TMEM242: variants seen among roughly 807,000 people sequenced by gnomAD.
TMEM242 encodes the protein transmembrane protein 242.
Under a neutral mutation model 18.2 loss-of-function variants are expected in TMEM242, and 10 were observed. The observed-to-expected ratio is 0.55, with a 90% CI of 0.34 to 0.93. The LOEUF (loss-of-function observed/expected upper bound fraction) is 0.93. Ranked by LOEUF, TMEM242 falls within the 40% of genes least tolerant of loss-of-function variation. The pLI, the probability that TMEM242 is intolerant of heterozygous loss-of-function variation, is 0.02. For missense variants in TMEM242, 186 were observed against 175.5 expected (o/e 1.06, Z -0.34); for synonymous variants, 57 against 69.9 (o/e 0.81, Z 0.92).
intron 3 of TMEM242, among the ~76,000 whole-genome samples, chr6:157,311,314 G>A (rs1778072901): frequency 8.4e-6 from 1 of 118,760 alleles, no homozygotes; most frequent in African/African-American, 3.2e-5. Context: ...GTGTCCCAGT[G>A]TGTGTTCACC....
chr6:157,314,326 C>G (rs940351685), intron 3 of TMEM242, among the ~76,000 whole-genome samples: 2 of 152,180 alleles, frequency 1.3e-5, no homozygotes, highest in Non-Finnish European at 2.9e-5. Context: ...CATAGTGTCC[C>G]AGTGTGCACT....
intron 3 of TMEM242, among the ~76,000 whole-genome samples, chr6:157,311,453 CAA>C (rs1778091128): frequency 1.6e-5 from 2 of 124,306 alleles, no homozygotes; most frequent in African/African-American, 3.0e-5. Context: ...TCCCAGTGTG[CAA>C]TCACCTGGCC....
chr6:157,315,729 T>A (rs1334254781), intron 3 of TMEM242, among the ~76,000 whole-genome samples: 2 of 152,202 alleles, frequency 1.3e-5, no homozygotes, highest in Non-Finnish European at 2.9e-5. Flanking sequence ...TAGGCAGCAA[T>A]CCTTGTATCA....
At chr6:157,312,513 CTCA>C (rs1245330125) in intron 3 of TMEM242, among the ~76,000 whole-genome samples, 1 of 145,180 alleles carries the variant, frequency 6.9e-6, no homozygotes, top group East Asian at 2.1e-4. Context: ...CTCACCGAGC[CTCA>C]TCATACCGCC....
At chr6:157,310,445 C>A (rs1554248282) in intron 3 of TMEM242, among the ~76,000 whole-genome samples, 1 of 117,510 alleles carries the variant, frequency 8.5e-6, no homozygotes, top group Non-Finnish European at 1.9e-5. Context: ...CCAGTGTGCA[C>A]TCACCTAGCC....
intron 3 of TMEM242, among the ~76,000 whole-genome samples, chr6:157,309,565 T>C (rs1478999004): frequency 6.6e-6 from 1 of 152,018 alleles, no homozygotes; most frequent in East Asian, 1.9e-4. Flanking sequence ...ATTTTTAAAA[T>C]TTTTTTGTAA....
intron 3 of TMEM242, among the ~76,000 whole-genome samples, chr6:157,298,230 C>T (rs782535508): frequency 5.9e-5 from 9 of 152,154 alleles, no homozygotes; most frequent in East Asian, 5.8e-4. Context: ...TGATTTAATG[C>T]GCTAACAGGT....
intron 3 of TMEM242, among the ~76,000 whole-genome samples, chr6:157,309,979 C>A (rs1402158747): frequency 6.6e-6 from 1 of 152,114 alleles, no homozygotes; most frequent in African/African-American, 2.4e-5. Context: ...AGATAACCAC[C>A]TCCCCACAAA....
intron 3 of TMEM242, among the ~76,000 whole-genome samples, chr6:157,311,231 T>A (rs1554248672): frequency 9.0e-6 from 1 of 111,196 alleles, no homozygotes; most frequent in South Asian, 2.4e-4. Context: ...CCTAGCCTCA[T>A]CATAGTGTCC....
intron 3 of TMEM242, among the ~76,000 whole-genome samples, chr6:157,312,357 G>GTGCCCCAGTGTGCGCTCACCTAGCCTCA (rs1778175527): frequency 7.5e-4 from 29 of 38,728 alleles, no homozygotes; most frequent in Admixed American, 1.3e-3. Context: ...GCCTCATCAT[G>GTGCCCCAGTGTGCGCTCACCTAGCCTCA]TCCCAGTGTG....
intron 3 of TMEM242, among the ~76,000 whole-genome samples, chr6:157,312,233 T>C (rs1393279601): frequency 6.6e-6 from 1 of 150,668 alleles, no homozygotes; most frequent in African/African-American, 2.5e-5. Context: ...TGCCCCAGTG[T>C]ACACTCATCT....
At chr6:157,321,788 C>T (rs1285178077) in intron 2 of TMEM242, among the ~76,000 whole-genome samples, 2 of 84,238 alleles carry the variant, frequency 2.4e-5, no homozygotes, top group Admixed American at 1.2e-4. Flanking sequence ...ATTAACATAA[C>T]TTAGGCTTAG....
intron 1 of TMEM242, 71 bp downstream of exon 1, chr6:157,323,341 C>T (rs1468189125): frequency 1.3e-6 from 2 of 1,527,860 alleles, no homozygotes; most frequent in Non-Finnish European, 1.8e-6. Context: ...GTGGGAATGC[C>T]CGCTCCAGAG....
In TMEM242 at chr6:157,290,906, C is replaced by T. The variant is rs587601101; in HGVS notation, c.*1995G>A. On this transcript the variant is annotated 3_prime_UTR_variant, in exon 4 of 4. Coordinates refer to ENST00000400788, the MANE Select transcript of TMEM242 (RefSeq NM_018452.6). Reference sequence around the variant, plus strand: ...GTGACATATAAGGGTTTTGTAGACACGAGGCATGCCACTCTAGTATTAGGA... The same window carrying T: ...GTGACATATAAGGGTTTTGTAGACATGAGGCATGCCACTCTAGTATTAGGA... 3 of 152,298 alleles carry T rather than the reference C, an allele frequency of 2.0e-5. No homozygotes were observed. Among genetic ancestry groups the T allele is most frequent in the East Asian group, 3.9e-4 (2 of 5,176 alleles). The allele number at this position is 152,298 out of a possible 1,614,324, so 9.4% of individuals were successfully genotyped here.
At chr6:157,318,719 A>C in intron 3 of TMEM242, 63 bp downstream of exon 3, 1 of 1,595,120 alleles carries the variant, frequency 6.3e-7, no homozygotes, top group Non-Finnish European at 8.5e-7. Flanking sequence ...AAACCAGAAA[A>C]ATTTAGAACA....
At chr6:157,321,070 G>A (rs1406067569) in intron 2 of TMEM242, among the ~76,000 whole-genome samples, 4 of 147,720 alleles carry the variant, frequency 2.7e-5, no homozygotes, top group Admixed American at 1.4e-4. Context: ...GTGCAGTGGC[G>A]AAATCTCGGC....
At position 157,290,663 on chromosome 6, in the gene TMEM242, A is replaced by AT. The variant is rs1777672875; in HGVS notation, c.*2237dup. Reference sequence around the variant, plus strand: ...TAGACAAATGACGAAATCTACTGATATTCAAGTTCTGACTGTGAAAAACAC... The same window carrying AT: ...TAGACAAATGACGAAATCTACTGATATTTCAAGTTCTGACTGTGAAAAACAC... On this transcript the variant is annotated 3_prime_UTR_variant, in exon 4 of 4. Transcript: ENST00000400788. 1 of 152,250 alleles carries AT rather than the reference A, an allele frequency of 6.6e-6. No individual in the cohort carries two copies. Among genetic ancestry groups the AT allele is most frequent in the Admixed American group, 6.5e-5 (1 of 15,288 alleles). The allele number at this position is 152,250 out of a possible 1,614,324, so 9.4% of individuals were successfully genotyped here.
At chr6:157,312,592 G>GT (rs1778201395) in intron 3 of TMEM242, among the ~76,000 whole-genome samples, 1 of 134,604 alleles carries the variant, frequency 7.4e-6, no homozygotes, top group Admixed American at 7.4e-5. Flanking sequence ...TCATCATAGT[G>GT]CCGCAGTGTG....
chr6:157,312,539 C>A (rs1778195513), intron 3 of TMEM242, among the ~76,000 whole-genome samples: 2 of 145,936 alleles, frequency 1.4e-5, no homozygotes, highest in African/African-American at 2.5e-5. Flanking sequence ...AGTGTGCACT[C>A]AGCTAGCCTC....
Sources: gnomAD v4.1 joint callset for allele counts (sites outside exome capture counted in the v4.1 genomes callset) on GRCh38, gnomAD v4.1.1 for gene constraint, MANE v1.5 for transcripts, NCBI Gene and HGNC (gene_info 2026-07-23, HGNC 2026-07-21) for gene names.